Variants in RRP12 observed in about 807,000 individuals in gnomAD.
RRP12 encodes RRP12-like protein.
Under a neutral mutation model 157.3 loss-of-function variants are expected in RRP12, and 78 were observed. The observed-to-expected ratio is 0.50, with a 90% CI of 0.41 to 0.60. The LOEUF is 0.60. RRP12 is among the 20% of genes least tolerant of loss of function. The pLI is 0.00. For synonymous variants in RRP12, 726 were observed against 670.9 expected (o/e 1.08, Z -1.27); for missense variants, 1,521 against 1,679.9 (o/e 0.91, Z 1.65).
chr10:97,400,776 T>G (rs1845122913), intron 1 of RRP12, among the ~76,000 whole-genome samples: 1 of 152,190 alleles, frequency 6.6e-6, no homozygotes, highest in African/African-American at 2.4e-5. Flanking sequence ...GGGAATCGGC[T>G]GGGAGCTACA....
chr10:97,381,716 T>C lies in RRP12; in HGVS notation c.1319A>G (p.Lys440Arg), dbSNP rs770868671. Residue 440 changes from lysine (K) to arginine (R), a missense_variant and splice_region_variant, in exon 11 of 34, where the codon AAG (lysine) becomes AGG (arginine). Transcript: ENST00000370992. ...CTTCCTCAGCTAAAGTTGCAGTACCTTGAGGCTCTGCGTAGCAGCAGTCAG... is the reference window on the plus strand; with the variant it reads ...CTTCCTCAGCTAAAGTTGCAGTACCCTGAGGCTCTGCGTAGCAGCAGTCAG... ...QVLTAATQSLKEILKECVAPH... is the reference protein window; with the variant it reads ...QVLTAATQSLREILKECVAPH... 1 of 1,612,576 alleles carries C rather than the reference T, an allele frequency of 6.2e-7. No individual in the cohort carries two copies. Among genetic ancestry groups the C allele is most frequent in the Non-Finnish European group, 8.5e-7 (1 of 1,178,574 alleles).
rs1177597456 is a variant in RRP12 at position 97,380,731 on chromosome 10, C to T, written c.1533+68G>A. 3.6e-6 allele frequency: 4 copies of T among 1,126,216 alleles called. No homozygotes were observed. The East Asian group carries it at 9.4e-5, about 27-fold the overall frequency. 69.8% of individuals were successfully genotyped at this position (1,126,216 alleles called of 1,614,324 possible). A position where few individuals can be genotyped will look rare whatever the true frequency, so the allele number is the denominator to read the frequency against. ...GTGCAGAGATAACAGAGACACGTGC[C>T]CTCCAGGAGCCCATAGTCCAAGAGC... On this transcript the variant is annotated intron_variant, in intron 13 of 33. Transcript: ENST00000370992.
At chr10:97,357,768 G>C (rs971053903) in intron 33 of RRP12, among the ~76,000 whole-genome samples, 6 of 151,614 alleles carry the variant, frequency 4.0e-5, no homozygotes, top group African/African-American at 4.8e-5. Context: ...ACCATCCTGG[G>C]TAACACAGTG....
chr10:97,395,205 T>TACACACACAC (rs1377215101), intron 3 of RRP12, among the ~76,000 whole-genome samples: 61 of 105,202 alleles, frequency 5.8e-4, no homozygotes, highest in African/African-American at 2.6e-3. Context: ...TATATACACA[T>TACACACACAC]ATACACACAC....
chr10:97,380,122 A>T (rs1252999518), intron 13 of RRP12, among the ~76,000 whole-genome samples: 1 of 152,204 alleles, frequency 6.6e-6, no homozygotes, highest in Non-Finnish European at 1.5e-5. Context: ...CTATGGCCAC[A>T]GCCCTCCCCC....
chr10:97,357,057 C>T lies in RRP12; in HGVS notation c.*37G>A, dbSNP rs200257679. 7.7e-7 allele frequency: 1 copy of T among 1,306,650 alleles called. No individual in the cohort carries two copies. Among genetic ancestry groups the T allele is most frequent in the African/African-American group, 1.5e-5 (1 of 68,550 alleles). The allele number at this position is 1,306,650 out of a possible 1,614,324, so 80.9% of individuals were successfully genotyped here. A position where few individuals can be genotyped will look rare whatever the true frequency, so the allele number is the denominator to read the frequency against. Reference sequence around the variant, plus strand: ...GGCAGCCTGGGGGCTGAAAGGGCCTCAGACTGGACCACAGGGCAGCCCAGG... The same window carrying T: ...GGCAGCCTGGGGGCTGAAAGGGCCTTAGACTGGACCACAGGGCAGCCCAGG... On this transcript the variant is annotated 3_prime_UTR_variant, in exon 34 of 34. Coordinates refer to ENST00000370992, the MANE Select transcript of RRP12 (RefSeq NM_015179.4).
chr10:97,390,713 TG>T (rs746234251), intron 5 of RRP12, 25 bp downstream of exon 5: 1 of 1,551,774 alleles, frequency 6.4e-7, no homozygotes, highest in Non-Finnish European at 8.9e-7. Context: ...AGTCGCCAGA[TG>T]AGAAACTAAA....
At chr10:97,396,833 T>G (rs1305384761) in intron 2 of RRP12, among the ~76,000 whole-genome samples, 1 of 152,210 alleles carries the variant, frequency 6.6e-6, no homozygotes, top group African/African-American at 2.4e-5. Context: ...TGGCATGATC[T>G]CAGCTCACTG....
intron 24 of RRP12, 60 bp from the exon 25 acceptor site, chr10:97,369,642 T>C: frequency 2.7e-6 from 4 of 1,501,260 alleles, no homozygotes. Flanking sequence ...ACCCAAACCT[T>C]CCCCACTGGA....
intron 15 of RRP12, among the ~76,000 whole-genome samples, chr10:97,376,373 C>T (rs143197988): frequency 2.4e-4 from 37 of 151,694 alleles, no homozygotes; most frequent in African/African-American, 7.3e-4. Flanking sequence ...TGCCACCATG[C>T]CCAGCTAATT....
At chr10:97,365,823 G>A (rs1843959956) in intron 29 of RRP12, 1 of 340,234 alleles carries the variant, frequency 2.9e-6, no homozygotes. Flanking sequence ...AGGGGGAGGA[G>A]GAGGAGAAAA....
At chr10:97,384,429 A>G (rs11189182) in intron 10 of RRP12, among the ~76,000 whole-genome samples, 55,936 of 140,304 alleles carry the variant, frequency 0.4, 10,777 homozygotes, top group African/African-American at 0.52. Context: ...CCAGGATGGT[A>G]GCCCTGAGGA....
At position 97,401,207 on chromosome 10, in the gene RRP12, A is replaced by T; in HGVS notation, c.25T>A (p.Ser9Thr). The T allele has an allele frequency of 6.2e-7, 1 of 1,614,088 alleles. No individual in the cohort carries two copies. The highest frequency in any genetic ancestry group is 8.5e-7 in the Non-Finnish European group (1 of 1,179,992). The change falls in exon 1 of 34, where the codon TCT becomes ACT. Residue 9 changes from serine to threonine, a missense_variant. Coordinates refer to ENST00000370992, the MANE Select transcript of RRP12 (RefSeq NM_015179.4). ...CGCTTCAACTTAGCTGAGACACCAG[A>T]AGGCAACTTTCCCGAGCGACCCATG... MGRSGKLP[S>T]GVSAKLKRWK...
Position 97,400,083 on chromosome 10 carries a change from T to C in RRP12, c.369+222A>G, listed in dbSNP as rs189292464. ...TAGGTATAGCTGAGGAGAGAAATGT[T>C]TGGAAAATATTTCTACCCTCAAGTA... On this transcript the variant is annotated intron_variant, in intron 2 of 33. Coordinates refer to ENST00000370992, the MANE Select transcript of RRP12 (RefSeq NM_015179.4). Among the ~76,000 whole-genome samples, 598 of 152,310 alleles carry C rather than the reference T, an allele frequency of 3.9e-3. 4 individuals carry two copies. The highest frequency in any genetic ancestry group is 7.4e-3 in the Admixed American group (113 of 15,292).
rs372980916 is a variant in RRP12 at position 97,390,567 on chromosome 10, C to T, written c.637-28G>A. The T allele has an allele frequency of 8.1e-5, 126 of 1,559,998 alleles. 3 individuals are homozygous for T. In the South Asian group the frequency reaches 1.4e-3, roughly 17 times the overall value. ...GGAAGAAAGTCAGAGTCCCTCAGTGCCACCAGCCTCGGCCAGGAGGGAAAA... is the reference window on the plus strand; with the variant it reads ...GGAAGAAAGTCAGAGTCCCTCAGTGTCACCAGCCTCGGCCAGGAGGGAAAA... On this transcript the variant is annotated intron_variant, in intron 5 of 33. Coordinates refer to ENST00000370992, the MANE Select transcript of RRP12 (RefSeq NM_015179.4).
At position 97,398,021 on chromosome 10, in the gene RRP12, A is replaced by G. The variant is rs1348883050; in HGVS notation, c.370-1720T>C. Reference sequence around the variant, plus strand: ...TATATATATACATATATATATATATATGTATATATATATACGTATTTTTTT... The same window carrying G: ...TATATATATACATATATATATATATGTGTATATATATATACGTATTTTTTT... On this transcript the variant is annotated intron_variant, in intron 2 of 33. Transcript: ENST00000370992. Among the ~76,000 whole-genome samples, 73 of 62,372 alleles carry G rather than the reference A, an allele frequency of 1.2e-3. 10 individuals carry two copies. The highest frequency in any genetic ancestry group is 0.011 in the East Asian group (19 of 1,682). 40.9% of individuals were successfully genotyped at this position (62,372 alleles called of 152,430 possible). A position where few individuals can be genotyped will look rare whatever the true frequency, so the allele number is the denominator to read the frequency against.
At position 97,401,113 on chromosome 10, in the gene RRP12, C is replaced by T. The variant is rs746682178; in HGVS notation, c.119G>A (p.Arg40His). 6.2e-7 allele frequency: 1 copy of T among 1,613,316 alleles called. No individual in the cohort carries two copies. The highest frequency in any genetic ancestry group is 8.5e-7 in the Non-Finnish European group (1 of 1,179,750). The change falls in exon 1 of 34, where the codon CGC becomes CAC. Residue 40 changes from arginine (R) to histidine (H), a missense_variant. Coordinates refer to ENST00000370992, the MANE Select transcript of RRP12 (RefSeq NM_015179.4). The part of the protein sequence containing the change: ...ICRHRQAARS[R>H]FFSRPSGRSD... ...GCTACCTGACGGCCGGCTGAAGAAGCGGCTGCGGGCGGCCTGACGGTGGCG... is the reference window on the plus strand; with the variant it reads ...GCTACCTGACGGCCGGCTGAAGAAGTGGCTGCGGGCGGCCTGACGGTGGCG...
At chr10:97,380,659 G>T in intron 13 of RRP12, 140 bp downstream of exon 13, 1 of 651,738 alleles carries the variant, frequency 1.5e-6, no homozygotes. Context: ...AGGGGATACT[G>T]CATGGGGCAC....
At chr10:97,373,941 C>A in intron 15 of RRP12, 47 bp from the exon 16 acceptor site, 7 of 1,562,238 alleles carry the variant, frequency 4.5e-6, no homozygotes, top group Non-Finnish European at 6.1e-6. Context: ...ACCCTCCTGG[C>A]CAACAGCCTT....
Sources: allele counts gnomAD v4.1 joint callset (sites outside exome capture counted in the v4.1 genomes callset), GRCh38; gene constraint gnomAD v4.1.1; transcripts MANE v1.5; gene names NCBI Gene and HGNC (gene_info 2026-07-23, HGNC 2026-07-21).